Variants in GRM8 observed in about 807,000 individuals in gnomAD.
The protein encoded by GRM8 is metabotropic glutamate receptor 8.
In GRM8, 47 loss-of-function variants were observed where a neutral mutation model predicts 87.2. The ratio of observed to expected loss-of-function variants is 0.54; its 90% CI spans 0.43 to 0.69. The LOEUF is 0.69. GRM8 is among the 30% of genes least tolerant of loss of function. The pLI, the probability that GRM8 is intolerant of heterozygous loss-of-function variation, is 0.00. For synonymous variants in GRM8, 396 were observed against 404.5 expected (o/e 0.98, Z 0.25); for missense variants, 1,019 against 1,139.2 (o/e 0.89, Z 1.52).
At chr7:126,533,962 T>C in intron 8 of GRM8, 75 bp from the exon 9 acceptor site, 1 of 1,076,280 alleles carries the variant, frequency 9.3e-7, no homozygotes, top group African/African-American at 1.6e-5. Context: ...CACGGGTTTG[T>C]AATGAATCAC....
At chr7:127,217,900 T>C (rs576790151) in intron 2 of GRM8, among the ~76,000 whole-genome samples, 30 of 152,306 alleles carry the variant, frequency 2.0e-4, no homozygotes, top group Non-Finnish European at 3.8e-4. Context: ...TTTGGTAAAT[T>C]CCAAAGCCTT....
chr7:126,947,759 C>T (rs1213111476), intron 3 of GRM8, among the ~76,000 whole-genome samples: 1 of 152,084 alleles, frequency 6.6e-6, no homozygotes, highest in African/African-American at 2.4e-5. Context: ...TTCTCTCAGT[C>T]GAAATCACTC....
intron 7 of GRM8, among the ~76,000 whole-genome samples, chr7:126,714,463 TAA>T (rs1444166558): frequency 3.9e-5 from 6 of 152,066 alleles, no homozygotes; most frequent in Non-Finnish European, 8.8e-5. Flanking sequence ...GGAAAAAACC[TAA>T]GTTACAGAAA....
chr7:126,875,995 G>T (rs1799495681), intron 6 of GRM8, among the ~76,000 whole-genome samples: 1 of 152,114 alleles, frequency 6.6e-6, no homozygotes, highest in Admixed American at 6.6e-5. Flanking sequence ...TCTTTAATGT[G>T]ACGTTTATCC....
At chr7:126,939,830 G>A (rs753709971) in intron 3 of GRM8, among the ~76,000 whole-genome samples, 2 of 152,168 alleles carry the variant, frequency 1.3e-5, no homozygotes, top group African/African-American at 2.4e-5. Flanking sequence ...GCATGAGATT[G>A]CATCCACAAC....
chr7:127,026,041 C>T (rs1295459768), intron 3 of GRM8, among the ~76,000 whole-genome samples: 1 of 152,064 alleles, frequency 6.6e-6, no homozygotes, highest in African/African-American at 2.4e-5. Context: ...GTGATGTTCC[C>T]CTCCCTGTGT....
At chr7:127,016,585 T>G (rs1815693333) in intron 3 of GRM8, among the ~76,000 whole-genome samples, 1 of 152,066 alleles carries the variant, frequency 6.6e-6, no homozygotes, top group Admixed American at 6.6e-5. Flanking sequence ...AAATTTCAGT[T>G]TGACAAATGC....
intron 2 of GRM8, among the ~76,000 whole-genome samples, chr7:127,185,497 T>C (rs1794683858): frequency 6.6e-6 from 1 of 152,062 alleles, no homozygotes; most frequent in Non-Finnish European, 1.5e-5. Flanking sequence ...AAATATAAAA[T>C]GCAAAAGTAT....
chr7:126,637,479 G>T (rs1360936513), intron 7 of GRM8, among the ~76,000 whole-genome samples: 1 of 151,892 alleles, frequency 6.6e-6, no homozygotes, highest in Non-Finnish European at 1.5e-5. Flanking sequence ...TTAAAAAAAA[G>T]AAGTTAAATA....
intron 8 of GRM8, among the ~76,000 whole-genome samples, chr7:126,549,408 G>C (rs1792321394): frequency 1.3e-5 from 2 of 152,018 alleles, no homozygotes. Context: ...CCCCACCCCT[G>C]ACAAAATCAT....
intron 8 of GRM8, among the ~76,000 whole-genome samples, chr7:126,539,989 C>T (rs1472522297): frequency 6.6e-6 from 1 of 151,930 alleles, no homozygotes; most frequent in Non-Finnish European, 1.5e-5. Context: ...TCAAGAGACA[C>T]CACCAAGATT....
chr7:127,128,990 T>C (rs1827527842), intron 2 of GRM8, among the ~76,000 whole-genome samples: 1 of 152,154 alleles, frequency 6.6e-6, no homozygotes, highest in Non-Finnish European at 1.5e-5. Flanking sequence ...TAAGGTCCTA[T>C]GGCAACTGCA....
At chr7:126,523,181 T>G (rs557359720) in intron 9 of GRM8, among the ~76,000 whole-genome samples, 1 of 152,202 alleles carries the variant, frequency 6.6e-6, no homozygotes, top group Non-Finnish European at 1.5e-5. Context: ...CTTTAAAAAT[T>G]TATTATATAT....
At chr7:127,239,317 G>T (rs937439588) in intron 2 of GRM8, among the ~76,000 whole-genome samples, 11 of 152,184 alleles carry the variant, frequency 7.2e-5, no homozygotes, top group African/African-American at 2.7e-4. Context: ...TGTTGAGTAG[G>T]ACAGTGAGTA....
chr7:126,824,826 T>C (rs963988012), intron 6 of GRM8, among the ~76,000 whole-genome samples: 4 of 152,224 alleles, frequency 2.6e-5, no homozygotes, highest in Non-Finnish European at 5.9e-5. Flanking sequence ...CATGAACTGT[T>C]AGCAGTCCCA....
At chr7:126,952,917 G>GA (rs961338589) in intron 3 of GRM8, among the ~76,000 whole-genome samples, 1 of 151,948 alleles carries the variant, frequency 6.6e-6, no homozygotes, top group Non-Finnish European at 1.5e-5. Flanking sequence ...AAATATTGAT[G>GA]AAAAAACTGG....
chr7:126,734,645 A>G (rs1813992013), intron 7 of GRM8, among the ~76,000 whole-genome samples: 1 of 152,074 alleles, frequency 6.6e-6, no homozygotes, highest in South Asian at 2.1e-4. Context: ...CACAAAATGA[A>G]GATGAATTCA....
chr7:126,528,546 T>C (rs2150831170), intron 9 of GRM8, among the ~76,000 whole-genome samples: 1 of 152,162 alleles, frequency 6.6e-6, no homozygotes, highest in South Asian at 2.1e-4. Context: ...ACTCCTGTCA[T>C]CTAACTTTCA....
At chr7:126,983,480 T>A (rs1319252042) in intron 3 of GRM8, among the ~76,000 whole-genome samples, 1 of 151,870 alleles carries the variant, frequency 6.6e-6, no homozygotes, top group Non-Finnish European at 1.5e-5. Context: ...GGGGTGGAAG[T>A]GGAAGTGGCA....
Sources: allele counts gnomAD v4.1 joint callset (sites outside exome capture counted in the v4.1 genomes callset), GRCh38; gene constraint gnomAD v4.1.1; transcripts MANE v1.5; gene names NCBI Gene and HGNC (gene_info 2026-07-23, HGNC 2026-07-21).